FAAH2: variants seen among roughly 807,000 people sequenced by gnomAD.
FAAH2 encodes the protein fatty acid amide hydrolase 2.
A neutral mutation model predicts 36.9 loss-of-function variants in FAAH2; 60 were observed. That is an observed-to-expected ratio of 1.63 (90% confidence interval 1.32 to 2.02). The LOEUF is 2.02. FAAH2 is among the 30% of genes most tolerant of loss of function. FAAH2 has a pLI of 0.00. For synonymous variants in FAAH2, 214 were observed against 143.8 expected, an observed-to-expected ratio of 1.49 and a Z score of -3.49; for missense variants, 689 against 397.5, an observed-to-expected ratio of 1.73 and a Z score of -6.23.
chrX:57,438,687 G>C (rs969482187), intron 8 of FAAH2, among the ~76,000 whole-genome samples: 5 of 108,811 alleles, frequency 4.6e-5, no homozygotes, highest in Middle Eastern at 4.2e-3. Context: ...TGCCATGTTG[G>C]TGTGCTGCAC....
chrX:57,286,117 G>A (rs1440162234), upstream of FAAH2, among the ~76,000 whole-genome samples: 1 of 111,697 alleles, frequency 9.0e-6, no homozygotes, highest in Middle Eastern at 4.6e-3. Flanking sequence ...GAGTTTGAAC[G>A]ATCTGGAAGA....
chrX:57,167,893 C>T, the FAAH2 span, among the ~76,000 whole-genome samples: 2 of 111,576 alleles, frequency 1.8e-5, no homozygotes, highest in African/African-American at 6.5e-5. Flanking sequence ...AGTGGGCCTC[C>T]TGTCATTAGA....
chrX:57,419,204 G>A (rs764012355), intron 7 of FAAH2, among the ~76,000 whole-genome samples: 20 of 111,161 alleles, frequency 1.8e-4, no homozygotes, highest in African/African-American at 2.6e-4. Context: ...TTATAACAGC[G>A]TGATTTATAG....
At chrX:57,423,342 T>C (rs772877877) in intron 7 of FAAH2, among the ~76,000 whole-genome samples, 28 of 111,731 alleles carry the variant, frequency 2.5e-4, no homozygotes, top group African/African-American at 9.1e-4. Flanking sequence ...GGGCATGAGC[T>C]GCAGGTGCAG....
chrX:57,293,164 T>C (rs1379708402), intron 2 of FAAH2, among the ~76,000 whole-genome samples: 5 of 111,137 alleles, frequency 4.5e-5, no homozygotes, highest in African/African-American at 1.3e-4. Context: ...CAGCCATTCA[T>C]GTACCATCTT....
the FAAH2 span, among the ~76,000 whole-genome samples, chrX:57,197,285 C>T: frequency 9.0e-6 from 1 of 110,758 alleles, no homozygotes; most frequent in African/African-American, 3.3e-5. Flanking sequence ...ATTATTTGTT[C>T]TTTTGTTTTT....
the FAAH2 span, among the ~76,000 whole-genome samples, chrX:57,166,100 G>T: frequency 3.6e-5 from 4 of 110,041 alleles, no homozygotes; most frequent in Admixed American, 1.9e-4. Flanking sequence ...TCAGCAATGG[G>T]ATGATGTGGA....
chrX:57,295,927 G>A (rs1011169488), intron 2 of FAAH2, among the ~76,000 whole-genome samples: 1 of 112,482 alleles, frequency 8.9e-6, no homozygotes, highest in African/African-American at 3.2e-5. Flanking sequence ...CTTTGCTCAG[G>A]CTTGAGTAGG....
intron 10 of FAAH2, among the ~76,000 whole-genome samples, chrX:57,452,733 C>T (rs767500551): frequency 8.9e-6 from 1 of 111,923 alleles, no homozygotes; most frequent in African/African-American, 3.2e-5. Context: ...TCAAGCAAAC[C>T]AGCAATAAAA....
intron 7 of FAAH2, among the ~76,000 whole-genome samples, chrX:57,397,694 T>C (rs929680409): frequency 7.3e-5 from 8 of 110,205 alleles, no homozygotes; most frequent in Admixed American, 2.9e-4. Context: ...TGTAGCTGCT[T>C]TTTTTTTCTT....
chrX:57,371,512 C>T (rs1052664554), intron 5 of FAAH2, among the ~76,000 whole-genome samples: 2 of 110,900 alleles, frequency 1.8e-5, no homozygotes, highest in Non-Finnish European at 3.8e-5. Context: ...GATTCCATGT[C>T]TTTCCTATTA....
At chrX:57,423,000 G>A (rs1250454860) in intron 7 of FAAH2, among the ~76,000 whole-genome samples, 1 of 111,925 alleles carries the variant, frequency 8.9e-6, no homozygotes, top group African/African-American at 3.2e-5. Flanking sequence ...GAGGGGGAGA[G>A]AATTTCTCTC....
intron 9 of FAAH2, among the ~76,000 whole-genome samples, chrX:57,448,153 A>G (rs980819394): frequency 2.7e-5 from 3 of 111,198 alleles, no homozygotes; most frequent in African/African-American, 9.8e-5. Context: ...ACACCTGGCT[A>G]AGAGATGGAG....
Position 57,325,100 on chromosome X carries a change from A to G in FAAH2, c.413-6498A>G, listed in dbSNP as rs775922080. On this transcript the variant is annotated intron_variant, in intron 3 of 10. Transcript: ENST00000374900. The stretch of plus-strand genomic sequence containing the variant: ...TTTCTGCATCTATTGAGATAATCAA[A>G]TGGTTTTTGTTGTTGGTTCTGTTTA... 4.1e-3 allele frequency among the ~76,000 whole-genome samples: 454 copies of G among 111,876 alleles called. 1 individual carries two copies. Among genetic ancestry groups the G allele is most frequent in the Non-Finnish European group, 6.6e-3 (351 of 53,083 alleles).
the FAAH2 span, among the ~76,000 whole-genome samples, chrX:57,268,071 C>G: frequency 1.8e-5 from 2 of 112,036 alleles, no homozygotes; most frequent in African/African-American, 6.5e-5. Context: ...TAGGAGTACA[C>G]TGTAACTCAA....
rs12014169 is a variant in FAAH2, at chrX:57,351,582, G to C, written c.742+10192G>C. The stretch of plus-strand genomic sequence containing the variant: ...CAGATAAAGAAAATTGATCAACTGT[G>C]AGCTAAGCTAACAAAAAAGGAAGAA... On this transcript the variant is annotated intron_variant, in intron 5 of 10. Transcript: ENST00000374900. 4.6e-3 allele frequency among the ~76,000 whole-genome samples: 503 copies of C among 110,112 alleles called. 3 individuals are homozygous for C. The highest frequency in any genetic ancestry group is 0.016 in the African/African-American group (476 of 30,540).
the FAAH2 span, among the ~76,000 whole-genome samples, chrX:57,234,904 G>T: frequency 9.0e-6 from 1 of 111,457 alleles, no homozygotes; most frequent in Non-Finnish European, 1.9e-5. Context: ...CGAGCATGGT[G>T]GTGCACCCTA....
intron 1 of FAAH2, among the ~76,000 whole-genome samples, chrX:57,291,446 A>T (rs960336066): frequency 3.6e-5 from 4 of 111,594 alleles, no homozygotes; most frequent in Non-Finnish European, 5.7e-5. Context: ...TTTGTTTTCA[A>T]TCTTTCATTG....
intron 3 of FAAH2, among the ~76,000 whole-genome samples, chrX:57,330,712 A>G (rs2053379226): frequency 9.0e-6 from 1 of 111,457 alleles, no homozygotes; most frequent in Non-Finnish European, 1.9e-5. Flanking sequence ...CAGCTTTAAA[A>G]TTTCTTTCTT....
Sources: allele counts gnomAD v4.1 joint callset (sites outside exome capture counted in the v4.1 genomes callset), GRCh38; gene constraint gnomAD v4.1.1; transcripts MANE v1.5; gene names NCBI Gene and HGNC (gene_info 2026-07-23, HGNC 2026-07-21).